The following NTN4 variants were observed in gnomAD, a reference collection of about 807,000 sequenced individuals.
NTN4 encodes the protein netrin 4, also known as netrin-4.
In NTN4, 32 loss-of-function variants were observed where a neutral mutation model predicts 73.6. The ratio of observed to expected loss-of-function variants is 0.44; its 90% CI spans 0.33 to 0.58. NTN4 has a LOEUF of 0.58. NTN4 is among the 20% of genes least tolerant of loss of function. NTN4 has a pLI of 0.04. For synonymous variants in NTN4, 258 were observed against 287.5 expected (o/e 0.90, Z 1.04); for missense variants, 654 against 798.3 (o/e 0.82, Z 2.18).
At chr12:95,766,954 T>C (rs1007142882) in intron 2 of NTN4, among the ~76,000 whole-genome samples, 1 of 152,194 alleles carries the variant, frequency 6.6e-6, no homozygotes, top group African/African-American at 2.4e-5. Context: ...GGAATTAATA[T>C]TTATCACTGT....
chr12:95,726,378 C>A (rs4762611), intron 3 of NTN4, among the ~76,000 whole-genome samples: 1 of 152,082 alleles, frequency 6.6e-6, no homozygotes, highest in Non-Finnish European at 1.5e-5. Flanking sequence ...CAATATGTGG[C>A]CTTTTGTGTC....
chr12:95,746,882 G>T (rs1426032479), intron 2 of NTN4, among the ~76,000 whole-genome samples: 1 of 152,120 alleles, frequency 6.6e-6, no homozygotes, highest in Non-Finnish European at 1.5e-5. Flanking sequence ...TCTGCTGGAA[G>T]TTCAATACTT....
intron 5 of NTN4, among the ~76,000 whole-genome samples, chr12:95,698,966 G>A (rs1345272313): frequency 6.7e-6 from 1 of 148,592 alleles, no homozygotes; most frequent in African/African-American, 2.5e-5. Context: ...ATTATGTTAT[G>A]ACATATCTAT....
rs1041458590 is a variant in NTN4 at position 95,721,790 on chromosome 12, A to G, written c.865-8452T>C. 3.3e-5 allele frequency among the ~76,000 whole-genome samples: 5 copies of G among 152,210 alleles called. 1 individual carries two copies. The highest frequency in any genetic ancestry group is 3.3e-4 in the Admixed American group (5 of 15,272). The stretch of plus-strand genomic sequence containing the variant: ...GGCTTATTTCCATTTTTTCATGTAC[A>G]AAATTTTATATGCCCCAAAGCTTTG... On this transcript the variant is annotated intron_variant, in intron 3 of 9. Coordinates refer to ENST00000343702, the MANE Select transcript of NTN4 (RefSeq NM_021229.4).
At chr12:95,672,408 C>A (rs2078239831) in intron 7 of NTN4, 1 of 1,096,292 alleles carries the variant, frequency 9.1e-7, no homozygotes, top group Admixed American at 1.7e-5. Flanking sequence ...GGCAGGCCAC[C>A]AGGAGGTGAA....
At chr12:95,700,388 T>C (rs1028243135) in intron 5 of NTN4, among the ~76,000 whole-genome samples, 1 of 152,136 alleles carries the variant, frequency 6.6e-6, no homozygotes, top group Non-Finnish European at 1.5e-5. Flanking sequence ...TTTAAAGGAA[T>C]GCAGATTTCT....
intron 2 of NTN4, among the ~76,000 whole-genome samples, chr12:95,776,657 TA>T (rs1173644919): frequency 2.0e-5 from 3 of 152,178 alleles, no homozygotes; most frequent in African/African-American, 4.8e-5. Context: ...AATATGGGAC[TA>T]TGTGAAAAGA....
chr12:95,700,170 C>T (rs2078473959), intron 5 of NTN4, among the ~76,000 whole-genome samples: 1 of 132,208 alleles, frequency 7.6e-6, no homozygotes, highest in Non-Finnish European at 1.5e-5. Flanking sequence ...GTGATCATGG[C>T]TCACTGCAGC....
chr12:95,744,549 G>T (rs10859932), intron 2 of NTN4, among the ~76,000 whole-genome samples: 113,006 of 152,002 alleles, frequency 0.74, 43,211 homozygotes, highest in Non-Finnish European at 0.85. Context: ...AAACTAAGAA[G>T]AGTATACTCT....
At chr12:95,741,427 T>TTATATATATATA (rs1174318245) in intron 2 of NTN4, among the ~76,000 whole-genome samples, 6 of 51,040 alleles carry the variant, frequency 1.2e-4, no homozygotes, top group African/African-American at 1.5e-4. Flanking sequence ...TATGTATAAA[T>TTATATATATATA]TATATATATA....
At chr12:95,751,321 A>C (rs1049988748) in intron 2 of NTN4, among the ~76,000 whole-genome samples, 4 of 151,784 alleles carry the variant, frequency 2.6e-5, no homozygotes, top group African/African-American at 9.7e-5. Flanking sequence ...ATAATAGAAA[A>C]AAGTTGCAAT....
At chr12:95,772,075 GT>G (rs2079062334) in intron 2 of NTN4, among the ~76,000 whole-genome samples, 1 of 152,150 alleles carries the variant, frequency 6.6e-6, no homozygotes, top group South Asian at 2.1e-4. Context: ...GTCTCACTCT[GT>G]TGCCCAGACT....
At chr12:95,750,874 T>A (rs2078901786) in intron 2 of NTN4, among the ~76,000 whole-genome samples, 1 of 152,226 alleles carries the variant, frequency 6.6e-6, no homozygotes, top group Non-Finnish European at 1.5e-5. Context: ...CGGCTTACAG[T>A]TTCCTTCCGT....
intron 7 of NTN4, chr12:95,673,231 T>G (rs2078247806): frequency 4.9e-6 from 2 of 408,352 alleles, no homozygotes; most frequent in Non-Finnish European, 9.4e-6. Flanking sequence ...GCCATTTTTG[T>G]CTCCTGCACC....
intron 2 of NTN4, among the ~76,000 whole-genome samples, chr12:95,753,489 C>G (rs1158306087): frequency 7.1e-6 from 1 of 141,208 alleles, no homozygotes; most frequent in African/African-American, 2.6e-5. Flanking sequence ...TCTGAGAAGG[C>G]CACCACAGTC....
chr12:95,779,730 C>G (rs911665528), intron 2 of NTN4, among the ~76,000 whole-genome samples: 8 of 151,984 alleles, frequency 5.3e-5, no homozygotes, highest in Non-Finnish European at 1.2e-4. Flanking sequence ...GGCCATACTG[C>G]CCAAAGTAAT....
chr12:95,696,004 T>C (rs1240459092), intron 5 of NTN4, among the ~76,000 whole-genome samples: 3 of 147,236 alleles, frequency 2.0e-5, no homozygotes, highest in African/African-American at 2.5e-5. Flanking sequence ...CCTTCCCCTT[T>C]CCCTCCCTCC....
At chr12:95,709,520 TTC>T (rs1222779866) in intron 5 of NTN4, among the ~76,000 whole-genome samples, 11 of 148,502 alleles carry the variant, frequency 7.4e-5, no homozygotes, top group African/African-American at 9.9e-5. Flanking sequence ...TTTCCTTCCT[TTC>T]TCTCTCTCTC....
At chr12:95,697,177 C>T (rs2078448667) in intron 5 of NTN4, among the ~76,000 whole-genome samples, 1 of 140,696 alleles carries the variant, frequency 7.1e-6, no homozygotes, top group Non-Finnish European at 1.6e-5. Context: ...AAAACCCTGT[C>T]TCAAAAAAAA....
Sources: allele counts gnomAD v4.1 joint callset (sites outside exome capture counted in the v4.1 genomes callset), GRCh38; gene constraint gnomAD v4.1.1; transcripts MANE v1.5; gene names NCBI Gene and HGNC (gene_info 2026-07-23, HGNC 2026-07-21).